The following PIGF variants were observed in gnomAD, a reference collection of about 807,000 sequenced individuals.
PIGF encodes the protein GPI ethanolamine phosphate transferase, stabilizing subunit.
Under a neutral mutation model 26.0 loss-of-function variants are expected in PIGF, and 23 were observed. The ratio of observed to expected loss-of-function variants is 0.88; its 90% confidence interval spans 0.64 to 1.25. The LOEUF (loss-of-function observed/expected upper bound fraction) is 1.25. PIGF is among the 50% of genes most tolerant of loss of function. The pLI is 0.00. For synonymous variants in PIGF, 93 were observed against 92.6 expected (o/e 1.00, Z -0.03); for missense variants, 278 against 249.9 (o/e 1.11, Z -0.76).
chr2:46,615,029 T>G lies in PIGF; in HGVS notation c.136A>C (p.Ile46Leu), dbSNP rs778768853. ...ILETHLTWLC[I>L]CSGFVTAVNL... ...ACAGCAGTTACAAAACCAGAACAGA[T>G]GCACAACCATGTCAAGTGTGTTTCC... The change falls in exon 2 of 6, where the codon ATC (isoleucine) becomes CTC (leucine). Residue 46 changes from isoleucine (I) to leucine (L), a missense_variant. Physicochemically the swap from Ile to Leu is conservative, Grantham distance 5 (BLOSUM62 2). Coordinates refer to ENST00000281382, the MANE Select transcript of PIGF (RefSeq NM_002643.4). The G allele has an allele frequency of 1.2e-6, 2 of 1,608,068 alleles. No homozygotes were observed. Among genetic ancestry groups the G allele is most frequent in the Non-Finnish European group, 1.7e-6 (2 of 1,174,556 alleles).
At chr2:46,591,883 A>G in intron 5 of PIGF, 2 of 1,303,972 alleles carry the variant, frequency 1.5e-6, no homozygotes, top group Middle Eastern at 2.1e-4. Flanking sequence ...AGCTTTCTTG[A>G]TAACACAGGC....
At chr2:46,582,515 T>C (rs1177344194) in intron 5 of PIGF, 1 of 152,294 alleles carries the variant, frequency 6.6e-6, no homozygotes, top group East Asian at 1.9e-4. Context: ...CATCAGATAA[T>C]GGTGTTAGAC....
At chr2:46,591,506 C>T (rs1046727255) in intron 5 of PIGF, 3 of 857,482 alleles carry the variant, frequency 3.5e-6, no homozygotes, top group Non-Finnish European at 4.2e-6. Context: ...TTTTTTAATA[C>T]CATAATTCTT....
chr2:46,586,886 A>C (rs897739579), intron 5 of PIGF, among the ~76,000 whole-genome samples: 2 of 152,112 alleles, frequency 1.3e-5, no homozygotes, highest in African/African-American at 4.8e-5. Flanking sequence ...CCATGTATAC[A>C]CTCTCCTGTG....
intron 4 of PIGF, among the ~76,000 whole-genome samples, chr2:46,601,592 T>C (rs1225351382): frequency 1.3e-5 from 2 of 152,132 alleles, no homozygotes; most frequent in East Asian, 3.8e-4. Flanking sequence ...AAAATTCTAA[T>C]ATAAATGTTT....
intron 4 of PIGF, among the ~76,000 whole-genome samples, chr2:46,607,174 C>A (rs1440344288): frequency 6.6e-6 from 1 of 152,146 alleles, no homozygotes; most frequent in Non-Finnish European, 1.5e-5. Flanking sequence ...AACCACCTCC[C>A]AGCTACCTCA....
intron 4 of PIGF, among the ~76,000 whole-genome samples, chr2:46,597,268 A>G (rs1365960019): frequency 6.6e-6 from 1 of 152,134 alleles, no homozygotes; most frequent in Non-Finnish European, 1.5e-5. Flanking sequence ...ATTCCTGAGA[A>G]AGGAATTTTC....
At chr2:46,591,357 T>G (rs998058626) in intron 5 of PIGF, 7 of 184,634 alleles carry the variant, frequency 3.8e-5, no homozygotes, top group African/African-American at 1.4e-4. Context: ...GGAGGTTTCC[T>G]CTGGGTGGTT....
chr2:46,614,892 AC>A lies in PIGF; in HGVS notation c.228+44del, dbSNP rs774802859. ...ATACTTTATTCTTCCATTAAAAGAA[AC>A]ACTAGCTCCATCCAAAAATCAGTTA... On this transcript the variant is annotated intron_variant, in intron 2 of 5. Coordinates refer to ENST00000281382, the MANE Select transcript of PIGF (RefSeq NM_002643.4). The A allele has an allele frequency of 3.3e-5, 28 of 856,144 alleles. No individual in the cohort carries two copies. In the African/African-American group the frequency reaches 4.7e-4, roughly 14 times the overall value. 53.0% of individuals were successfully genotyped at this position (856,144 alleles called of 1,614,324 possible). A position where few individuals can be genotyped will look rare whatever the true frequency, so the allele number is the denominator to read the frequency against.
intron 4 of PIGF, among the ~76,000 whole-genome samples, chr2:46,594,648 G>T (rs756249460): frequency 1.9e-4 from 28 of 151,210 alleles, no homozygotes; most frequent in Non-Finnish European, 3.7e-4. Flanking sequence ...CCATTCTTCT[G>T]TCTCAGACTC....
At chr2:46,581,651 A>C (rs1669381021) in intron 5 of PIGF, 60 bp from the exon 6 acceptor site, 1 of 1,560,108 alleles carries the variant, frequency 6.4e-7, no homozygotes, top group Non-Finnish European at 8.7e-7. Flanking sequence ...CTTGAGCACA[A>C]GTGTAACCTA....
chr2:46,591,622 CTAAA>C (rs914651352), intron 5 of PIGF: 12 of 941,362 alleles, frequency 1.3e-5, no homozygotes, highest in Non-Finnish European at 1.5e-5. Context: ...TGGCAATAAT[CTAAA>C]TGATCAATAG....
chr2:46,599,257 A>G (rs1558705025), intron 4 of PIGF, among the ~76,000 whole-genome samples: 1 of 152,176 alleles, frequency 6.6e-6, no homozygotes, highest in African/African-American at 2.4e-5. Context: ...CATTGCTTGT[A>G]TTAGTTTTTA....
chr2:46,587,373 C>G (rs1669609688), intron 5 of PIGF, among the ~76,000 whole-genome samples: 1 of 151,538 alleles, frequency 6.6e-6, no homozygotes, highest in Non-Finnish European at 1.5e-5. Context: ...TTATCTGTGG[C>G]ATCTGTGACT....
At chr2:46,608,933 T>C (rs1388426635) in intron 4 of PIGF, among the ~76,000 whole-genome samples, 1 of 152,178 alleles carries the variant, frequency 6.6e-6, no homozygotes, top group African/African-American at 2.4e-5. Context: ...ATTTGCAAAA[T>C]GGTAAATTAG....
chr2:46,607,868 T>A (rs1218965335), intron 4 of PIGF, among the ~76,000 whole-genome samples: 3 of 152,070 alleles, frequency 2.0e-5, no homozygotes, highest in African/African-American at 4.8e-5. Flanking sequence ...CTAATTTTTC[T>A]TGTATTTTTA....
intron 4 of PIGF, among the ~76,000 whole-genome samples, chr2:46,604,520 C>T (rs1670158286): frequency 6.6e-6 from 1 of 151,630 alleles, no homozygotes; most frequent in Non-Finnish European, 1.5e-5. Context: ...TGGAGTACCA[C>T]TTGGCCATTA....
chr2:46,607,625 G>A (rs1360675795), intron 4 of PIGF, among the ~76,000 whole-genome samples: 64 of 152,100 alleles, frequency 4.2e-4, no homozygotes, highest in Non-Finnish European at 2.9e-5. Context: ...TTTTGCTGGT[G>A]GAAGATGTGG....
rs771240012 is a variant in PIGF at position 46,592,499 on chromosome 2, T to C, written c.522A>G (p.Pro174=). The C allele has an allele frequency of 6.2e-7, 1 of 1,602,096 alleles. No individual in the cohort carries two copies. The highest frequency in any genetic ancestry group is 1.1e-5 in the South Asian group (1 of 90,834). Residue 174 remains proline, a synonymous_variant, in exon 5 of 6, where the codon CCA becomes CCG. Transcript: ENST00000281382. ...CCTGCCATGGTCTTTCCCAATCCAG[T>C]GGAATAGGAAGTGCTCCAAGCCATG... is the stretch of plus-strand genomic sequence containing the variant. ...VGAWLGALPI[P]LDWERPWQVW...
Sources: gnomAD v4.1 joint callset for allele counts (sites outside exome capture counted in the v4.1 genomes callset) on GRCh38, gnomAD v4.1.1 for gene constraint, MANE v1.5 for transcripts, NCBI Gene and HGNC (gene_info 2026-07-23, HGNC 2026-07-21) for gene names.